The following SMAD9 variants were observed in gnomAD, a reference collection of about 807,000 sequenced individuals.
The protein encoded by SMAD9 is MAD homolog 9.
Under a neutral mutation model 46.1 loss-of-function variants are expected in SMAD9, and 36 were observed. The ratio of observed to expected loss-of-function variants is 0.78; its 90% CI spans 0.60 to 1.03. SMAD9 has a LOEUF of 1.03. Among genes scored for constraint, SMAD9 ranks in the 50% least tolerant of loss-of-function variants. The pLI is 0.00. For missense variants in SMAD9, 572 were observed against 599.8 expected (o/e 0.95, Z 0.48); for synonymous variants, 245 against 237.1 (o/e 1.03, Z -0.31).
In SMAD9 at chr13:36,865,051, C is replaced by T. The variant is rs115455901; in HGVS notation, c.1003+486G>A. 9.9e-3 allele frequency among the ~76,000 whole-genome samples: 1,506 copies of T among 152,330 alleles called. 24 individuals carry two copies. The highest frequency in any genetic ancestry group is 0.028 in the African/African-American group (1,148 of 41,572). On this transcript the variant is annotated intron_variant, in intron 5 of 6. Coordinates refer to ENST00000379826, the MANE Select transcript of SMAD9 (RefSeq NM_001127217.3). ...GACTTGTACCCAATCAGCCTGCACA[C>T]AGGAGAGCCCCAATCACATGCCAAA...
chr13:36,874,378 G>A (rs531877089), intron 2 of SMAD9, among the ~76,000 whole-genome samples: 3 of 152,240 alleles, frequency 2.0e-5, no homozygotes, highest in South Asian at 2.1e-4. Context: ...AGAATCAACC[G>A]ACCTCAACTT....
Position 36,853,621 on chromosome 13 carries a change from C to T in SMAD9, c.1058G>A (p.Ser353Asn). The T allele has an allele frequency of 1.9e-6, 3 of 1,614,128 alleles. No homozygotes were observed. The highest frequency in any genetic ancestry group is 2.5e-6 in the Non-Finnish European group (3 of 1,179,984). ...GTTCCGGCTCTGCACAAAGATGCTG[C>T]TGTCACTCACGCACTCGGCATACAC... ...GEVYAECVSDSSIFVQSRNCN... is the reference protein window; with the variant it reads ...GEVYAECVSDNSIFVQSRNCN... Residue 353 changes from serine (S) to asparagine (N), a missense_variant, in exon 6 of 7, where the codon AGC (serine) becomes AAC (asparagine). Ser to Asn is a conservative substitution (Grantham distance 46, BLOSUM62 1). Coordinates refer to ENST00000379826, the MANE Select transcript of SMAD9 (RefSeq NM_001127217.3).
rs538909219 is a variant in SMAD9 at position 36,914,276 on chromosome 13, T to A, written c.-187+5840A>T. Among the ~76,000 whole-genome samples, 10 of 152,270 alleles carry A rather than the reference T, an allele frequency of 6.6e-5. 1 individual carries two copies. The Middle Eastern group carries it at 0.01, about 155-fold the overall frequency. ...GGATCACGCCTGTAAACCCAGCACTTTGGGAGGCCGAGGCCGGCGGATCAT... is the reference window on the plus strand; with the variant it reads ...GGATCACGCCTGTAAACCCAGCACTATGGGAGGCCGAGGCCGGCGGATCAT... On this transcript the variant is annotated intron_variant, in intron 1 of 6. Transcript: ENST00000379826.
intron 1 of SMAD9, among the ~76,000 whole-genome samples, chr13:36,893,036 G>A (rs2058500477): frequency 6.6e-6 from 1 of 152,162 alleles, no homozygotes; most frequent in African/African-American, 2.4e-5. Context: ...TGATAAGAAT[G>A]TGAATAATAA....
In SMAD9 at chr13:36,844,865, A is replaced by G. The variant is rs2058028622; in HGVS notation, c.*3811T>C. 6.6e-6 allele frequency: 1 copy of G among 152,060 alleles called. No individual in the cohort carries two copies. Among genetic ancestry groups the G allele is most frequent in the Admixed American group, 6.5e-5 (1 of 15,276 alleles). 9.4% of individuals were successfully genotyped at this position (152,060 alleles called of 1,614,324 possible). On this transcript the variant is annotated 3_prime_UTR_variant, in exon 7 of 7. Transcript: ENST00000379826. Reference sequence around the variant, plus strand: ...AGTATTCTTTATTATAAACAATCAGATAACAGTATAAGTGTGCATTTGATG... The same window carrying G: ...AGTATTCTTTATTATAAACAATCAGGTAACAGTATAAGTGTGCATTTGATG...
intron 1 of SMAD9, among the ~76,000 whole-genome samples, chr13:36,896,109 G>GTATTTATTTATTTATTTATT (rs57024507): frequency 6.7e-6 from 1 of 148,644 alleles, no homozygotes; most frequent in African/African-American, 2.5e-5. Flanking sequence ...ATCCTGTTGA[G>GTATTTATTTATTTATTTATT]TATTTATTTA....
At chr13:36,908,005 A>G (rs1411902114) in intron 1 of SMAD9, among the ~76,000 whole-genome samples, 1 of 152,208 alleles carries the variant, frequency 6.6e-6, no homozygotes, top group Non-Finnish European at 1.5e-5. Flanking sequence ...AAGGACAGCC[A>G]GTCCCATGAG....
Position 36,891,577 on chromosome 13 carries a change from T to C in SMAD9, c.-186-11702A>G, listed in dbSNP as rs931297696. Reference sequence around the variant, plus strand: ...TCTCATTGTAGAGAGTCTAAAACTCTGGGCCAGGCCAGAAGTAATGTATTT... The same window carrying C: ...TCTCATTGTAGAGAGTCTAAAACTCCGGGCCAGGCCAGAAGTAATGTATTT... On this transcript the variant is annotated intron_variant, in intron 1 of 6. Coordinates refer to ENST00000379826, the MANE Select transcript of SMAD9 (RefSeq NM_001127217.3). 9.2e-5 allele frequency among the ~76,000 whole-genome samples: 14 copies of C among 152,328 alleles called. No homozygotes were observed. In the East Asian group the frequency reaches 2.7e-3, roughly 29 times the overall value.
intron 6 of SMAD9, 41 bp from the exon 7 acceptor site, chr13:36,848,860 A>C: frequency 6.2e-7 from 1 of 1,606,164 alleles, no homozygotes; most frequent in South Asian, 1.1e-5. Context: ...TGCCACACTT[A>C]CACTCAGCCT....
chr13:36,874,151 A>AG (rs2058322940), intron 2 of SMAD9, among the ~76,000 whole-genome samples: 1 of 152,104 alleles, frequency 6.6e-6, no homozygotes, highest in Non-Finnish European at 1.5e-5. Flanking sequence ...AGAAAATACA[A>AG]GGGGGAAGTG....
At chr13:36,911,857 T>C (rs886148973) in intron 1 of SMAD9, among the ~76,000 whole-genome samples, 3 of 152,162 alleles carry the variant, frequency 2.0e-5, no homozygotes, top group Non-Finnish European at 2.9e-5. Context: ...TACAGGCATG[T>C]GCCACCACAC....
At chr13:36,870,510 C>G (rs970270415) in intron 3 of SMAD9, among the ~76,000 whole-genome samples, 3 of 150,798 alleles carry the variant, frequency 2.0e-5, no homozygotes, top group African/African-American at 7.4e-5. Context: ...AACCCCATAT[C>G]CCTGTTTTAG....
chr13:36,899,311 A>G (rs571956446), intron 1 of SMAD9, among the ~76,000 whole-genome samples: 1 of 152,338 alleles, frequency 6.6e-6, no homozygotes, highest in Non-Finnish European at 1.5e-5. Context: ...TGGATGTGCA[A>G]AATCAATAAT....
chr13:36,874,917 G>A (rs1361477568), intron 2 of SMAD9, among the ~76,000 whole-genome samples: 1 of 148,530 alleles, frequency 6.7e-6, no homozygotes, highest in East Asian at 2.0e-4. Flanking sequence ...ATGTATGTAT[G>A]TGAGTGAAAT....
chr13:36,914,082 C>G (rs1428182937), intron 1 of SMAD9, among the ~76,000 whole-genome samples: 1 of 152,172 alleles, frequency 6.6e-6, no homozygotes, highest in Admixed American at 6.5e-5. Context: ...CAACTCACAA[C>G]GCAGGTGCCT....
At chr13:36,905,705 T>A (rs552508361) in intron 1 of SMAD9, among the ~76,000 whole-genome samples, 1 of 138,278 alleles carries the variant, frequency 7.2e-6, no homozygotes, top group African/African-American at 2.7e-5. Context: ...GGCTGGGGAG[T>A]TCGAGACTCC....
At chr13:36,870,248 A>G (rs920721050) in intron 3 of SMAD9, among the ~76,000 whole-genome samples, 1 of 152,216 alleles carries the variant, frequency 6.6e-6, no homozygotes, top group Non-Finnish European at 1.5e-5. Flanking sequence ...TCTTTGTAGC[A>G]TAGAGGTGTG....
rs1183385829 is a variant in SMAD9, at chr13:36,872,787, AAG to A, written c.539_540del (p.Ser180PhefsTer35). 1.2e-6 allele frequency: 2 copies of A among 1,613,884 alleles called. No homozygotes were observed. Among genetic ancestry groups the A allele is most frequent in the East Asian group, 4.5e-5 (2 of 44,860 alleles). ...AGTGCAGAGCACGGAGGCTGCTGGA[AAG>A]AGTCAGGATAGGTGGCGTTGTGTGG... ...LMPHNATYPD[S>X]FQQPPCSALP... On this transcript the variant is annotated frameshift_variant, in exon 3 of 7. Coordinates refer to ENST00000379826, the MANE Select transcript of SMAD9 (RefSeq NM_001127217.3). LOFTEE classifies it high-confidence loss of function.
chr13:36,885,486 TATAAGAC>T (rs1316800361), intron 1 of SMAD9, among the ~76,000 whole-genome samples: 6 of 152,338 alleles, frequency 3.9e-5, no homozygotes, highest in African/African-American at 9.6e-5. Flanking sequence ...TAAGCTGTAT[TATAAGAC>T]ATAATCACTT....
Sources: gnomAD v4.1 joint callset for allele counts (sites outside exome capture counted in the v4.1 genomes callset) on GRCh38, gnomAD v4.1.1 for gene constraint, MANE v1.5 for transcripts, NCBI Gene and HGNC (gene_info 2026-07-23, HGNC 2026-07-21) for gene names.